Variants in HAP1 observed in about 807,000 individuals in gnomAD.
HAP1 encodes huntingtin associated protein 1, also known as huntingtin-associated protein 1.
In HAP1, 59 loss-of-function variants were observed where a neutral mutation model predicts 60.3. The ratio of observed to expected loss-of-function variants is 0.98; its 90% CI spans 0.79 to 1.22. The LOEUF (loss-of-function observed/expected upper bound fraction) is 1.22, where lower values mean the gene tolerates loss of function less well. Among genes scored for constraint, HAP1 ranks in the 50% most tolerant of loss-of-function variants. The pLI is 0.00. For missense variants in HAP1, 825 were observed against 785.3 expected (o/e 1.05, Z -0.60); for synonymous variants, 346 against 330.6 (o/e 1.05, Z -0.50).
At position 41,727,796 on chromosome 17, in the gene HAP1, G is replaced by A. The variant is rs782173556; in HGVS notation, c.1241C>T (p.Ser414Leu). The A allele has an allele frequency of 2.4e-5, 39 of 1,611,616 alleles. No homozygotes were observed. Among genetic ancestry groups the A allele is most frequent in the East Asian group, 6.7e-5 (3 of 44,890 alleles). Residue 414 changes from serine (S) to leucine (L), a missense_variant, in exon 8 of 11, where the codon TCG becomes TTG. Transcript: ENST00000347901. ...ETEKLQKQLA[S>L]EKEIQMQLQE... is the part of the protein sequence containing the mutation. ...GAGCTGCATCTGGATTTCCTTCTCCGAAGCCAGCTGCTTCTGCAACTTTTC... is the reference window on the plus strand; with the variant it reads ...GAGCTGCATCTGGATTTCCTTCTCCAAAGCCAGCTGCTTCTGCAACTTTTC...
chr17:41,728,108 C>T, intron 7 of HAP1, 93 bp downstream of exon 7: 4 of 1,439,880 alleles, frequency 2.8e-6, no homozygotes, highest in Non-Finnish European at 3.9e-6. Context: ...CAGAAAGGGA[C>T]CTCAGGCCTG....
In HAP1 at chr17:41,724,656, G is replaced by C. The variant is rs1911456462; in HGVS notation, c.*45C>G. On this transcript the variant is annotated 3_prime_UTR_variant, in exon 11 of 11. Transcript: ENST00000347901. ...CAAATAAGCACAGCAGGTAGAGCCAGGCTGGGGCAGGTGAGCACTCGGGGA... is the reference window on the plus strand; with the variant it reads ...CAAATAAGCACAGCAGGTAGAGCCACGCTGGGGCAGGTGAGCACTCGGGGA... 7.1e-7 allele frequency: 1 copy of C among 1,414,190 alleles called. No individual in the cohort carries two copies. Among genetic ancestry groups the C allele is most frequent in the East Asian group, 2.3e-5 (1 of 43,512 alleles). The allele number at this position is 1,414,190 out of a possible 1,614,324, so 87.6% of individuals were successfully genotyped here. A position where few individuals can be genotyped will look rare whatever the true frequency, so the allele number is the denominator to read the frequency against.
chr17:41,726,956 T>C (rs1349360925), intron 9 of HAP1, 97 bp downstream of exon 9: 2 of 662,136 alleles, frequency 3.0e-6, no homozygotes, highest in East Asian at 5.4e-5. Context: ...GAGGCGGGTA[T>C]AGGGAAGCGT....
intron 9 of HAP1, 40 bp downstream of exon 9, chr17:41,727,013 G>A (rs1049637139): frequency 1.9e-6 from 2 of 1,032,726 alleles, no homozygotes; most frequent in Non-Finnish European, 3.0e-6. Context: ...TACAGGAAAG[G>A]CCATGGCCTA....
rs1260752410 is a variant in HAP1, at chr17:41,724,135, C to T, written c.*566G>A. The T allele has an allele frequency of 6.5e-6, 1 of 153,354 alleles. No homozygotes were observed. Among genetic ancestry groups the T allele is most frequent in the Non-Finnish European group, 1.5e-5 (1 of 68,660 alleles). The allele number at this position is 153,354 out of a possible 1,614,324, so 9.5% of individuals were successfully genotyped here. On this transcript the variant is annotated 3_prime_UTR_variant, in exon 11 of 11. Transcript: ENST00000347901. ...GGGTTTCTGGCTGGGGAGAGGAGAC[C>T]CTGTTCCACCCCACAACCCTGCAGG...
Position 41,732,020 on chromosome 17 carries a change from T to TTCC in HAP1, c.810_812dup (p.Glu272dup), listed in dbSNP as rs781934555. 4.0e-6 allele frequency: 6 copies of TTCC among 1,504,760 alleles called. No homozygotes were observed. The South Asian group carries it at 5.6e-5, about 14-fold the overall frequency. The allele number at this position is 1,504,760 out of a possible 1,614,324, so 93.2% of individuals were successfully genotyped here. A position where few individuals can be genotyped will look rare whatever the true frequency, so the allele number is the denominator to read the frequency against. ...CCTGTTCCTCTTCTGCCTCCTTTTC[T>TTCC]TCCTCCTCCTCTTCTTCATCCTCAT... On this transcript the variant is annotated inframe_insertion, in exon 4 of 11. Coordinates refer to ENST00000347901, the MANE Select transcript of HAP1 (RefSeq NM_177977.3).
At position 41,728,212 on chromosome 17, in the gene HAP1, G is replaced by A. The variant is rs200616359; in HGVS notation, c.1189C>T (p.Arg397Cys). ...LQAQVLKLQQ[R>C]CRMYGAETEK... ...CACACCCGACTCACCATCCGGCAGC[G>A]CTGCTGCAGCTTCAGCACCTGGGCC... The change falls in exon 7 of 11, where the codon CGC becomes TGC. Residue 397 changes from arginine to cysteine, a missense_variant. Coordinates refer to ENST00000347901, the MANE Select transcript of HAP1 (RefSeq NM_177977.3). The A allele has an allele frequency of 7.0e-5, 113 of 1,611,980 alleles. No individual in the cohort carries two copies. The Middle Eastern group carries it at 9.9e-4, about 14-fold the overall frequency.
chr17:41,717,772 G>A (rs1351487383), downstream of HAP1: 2 of 273,804 alleles, frequency 7.3e-6, no homozygotes, highest in African/African-American at 2.2e-5. Flanking sequence ...TCTGCCTCTC[G>A]GGCAAAACAG....
chr17:41,729,549 CAA>C (rs1162563636), intron 6 of HAP1, among the ~76,000 whole-genome samples: 16 of 63,104 alleles, frequency 2.5e-4, no homozygotes, highest in African/African-American at 9.6e-4. Context: ...GCCTCCTTCT[CAA>C]AAAAAAAAAA....
Position 41,734,462 on chromosome 17 carries a change from G to A in HAP1, c.173C>T (p.Ser58Phe), listed in dbSNP as rs1555592126. Reference sequence around the variant, plus strand: ...GGTGCGGGCTTCCGAGAGGAACTGGGATCCAGAGGTGGCTCGGGATCCTAC... The same window carrying A: ...GGTGCGGGCTTCCGAGAGGAACTGGAATCCAGAGGTGGCTCGGGATCCTAC... ...QRVGSRATSG[S>F]QFLSEARTGA... Residue 58 changes from serine to phenylalanine, a missense_variant, in exon 1 of 11, where the codon TCC (serine) becomes TTC (phenylalanine). By Grantham distance (155) the Ser-to-Phe change is radical (BLOSUM62 -2). Coordinates refer to ENST00000347901, the MANE Select transcript of HAP1 (RefSeq NM_177977.3). 3.1e-6 allele frequency: 5 copies of A among 1,610,790 alleles called. No homozygotes were observed. Among genetic ancestry groups the A allele is most frequent in the Non-Finnish European group, 3.4e-6 (4 of 1,178,348 alleles).
chr17:41,730,492 T>C (rs984870431), intron 6 of HAP1: 2 of 152,168 alleles, frequency 1.3e-5, no homozygotes, highest in Non-Finnish European at 2.9e-5. Context: ...AGTTAAGAGG[T>C]ATCTTGGGCT....
At chr17:41,731,847 G>T in intron 4 of HAP1, 90 bp downstream of exon 4, 2 of 901,478 alleles carry the variant, frequency 2.2e-6, no homozygotes, top group African/African-American at 1.6e-5. Context: ...CAGCAACCCT[G>T]CCAGCAAGCA....
At chr17:41,725,237 CT>C (rs1555588518) in intron 10 of HAP1, 83 bp from the exon 11 acceptor site, 1 of 1,107,972 alleles carries the variant, frequency 9.0e-7, no homozygotes, top group Non-Finnish European at 1.3e-6. Context: ...CACACAGATC[CT>C]GATGGTTCCT....
intron 7 of HAP1, 140 bp downstream of exon 7, chr17:41,728,061 C>CA (rs1267079647): frequency 9.8e-7 from 1 of 1,021,766 alleles, no homozygotes; most frequent in Non-Finnish European, 1.5e-6. Context: ...AACAAGGGGT[C>CA]AAGATAAGGG....
At position 41,732,406 on chromosome 17, in the gene HAP1, A is replaced by T; in HGVS notation, c.550-12T>A. ...ACAGGTGGGAGAAGCTGGGGGGGAC[A>T]CAGGGGTCAGAGAGAGGCTAGGCCC... is the stretch of plus-strand genomic sequence containing the variant. On this transcript the variant is annotated splice_polypyrimidine_tract_variant and intron_variant, in intron 2 of 10. Transcript: ENST00000347901. 6.2e-7 allele frequency: 1 copy of T among 1,613,482 alleles called. No individual in the cohort carries two copies. The highest frequency in any genetic ancestry group is 2.2e-5 in the East Asian group (1 of 44,872).
downstream of HAP1, among the ~76,000 whole-genome samples, chr17:41,719,266 C>T (rs1438125759): frequency 2.6e-5 from 4 of 152,066 alleles, no homozygotes; most frequent in African/African-American, 9.7e-5. Context: ...AGGTGTGAGC[C>T]GCTGCACTCA....
chr17:41,725,895 T>C lies in HAP1; in HGVS notation c.1370A>G (p.Asn457Ser). The C allele has an allele frequency of 1.2e-6, 2 of 1,611,862 alleles. No homozygotes were observed. The highest frequency in any genetic ancestry group is 2.2e-5 in the South Asian group (2 of 91,040). ...ISDPVYFMER[N>S]YEMPRGDTSS... ...TGTGTCCCCTCTGGGCATCTCATAA[T>C]TCCTTCAAAGAGAAAAGGACCTTCA... Residue 457 changes from asparagine (N) to serine (S), a missense_variant and splice_region_variant, in exon 10 of 11, where the codon AAT (asparagine) becomes AGT (serine). Transcript: ENST00000347901.
intron 8 of HAP1, chr17:41,727,348 G>T: frequency 1.3e-6 from 1 of 780,832 alleles, no homozygotes. Flanking sequence ...GACACTGGGG[G>T]TTGCTGGCGG....
At position 41,722,755 on chromosome 17, in the gene HAP1, AG is replaced by A. The variant is rs1428265677; in HGVS notation, c.*1945del. On this transcript the variant is annotated 3_prime_UTR_variant, in exon 11 of 11. Coordinates refer to ENST00000347901, the MANE Select transcript of HAP1 (RefSeq NM_177977.3). ...GGTACCTGCAGGAGGCCTCAGTCCC[AG>A]CCCCCAGCTATTGAGGAACAAAGGT... The A allele has an allele frequency of 6.6e-6, 1 of 151,620 alleles. No individual in the cohort carries two copies. The highest frequency in any genetic ancestry group is 2.4e-5 in the African/African-American group (1 of 41,300). The allele number at this position is 151,620 out of a possible 1,614,324, so 9.4% of individuals were successfully genotyped here.
Sources: gnomAD v4.1 joint callset for allele counts (sites outside exome capture counted in the v4.1 genomes callset) on GRCh38, gnomAD v4.1.1 for gene constraint, MANE v1.5 for transcripts, NCBI Gene and HGNC (gene_info 2026-07-23, HGNC 2026-07-21) for gene names.